The following SHISA9 variants were observed in gnomAD, a reference collection of about 807,000 sequenced individuals.
The protein encoded by SHISA9 is protein shisa-9.
Under a neutral mutation model 38.0 loss-of-function variants are expected in SHISA9, and 13 were observed. The ratio of observed to expected loss-of-function variants is 0.34; its 90% CI spans 0.22 to 0.54. The LOEUF (loss-of-function observed/expected upper bound fraction) is 0.54. Among genes scored for constraint, SHISA9 ranks in the 20% least tolerant of loss-of-function variants. SHISA9 has a pLI of 0.91. For missense variants in SHISA9, 538 were observed against 575.8 expected (o/e 0.93, Z 0.67); for synonymous variants, 275 against 242.0 (o/e 1.14, Z -1.27).
chr16:13,391,390 G>GA, the SHISA9 span, among the ~76,000 whole-genome samples: 1 of 152,052 alleles, frequency 6.6e-6, no homozygotes, highest in Admixed American at 6.6e-5. Flanking sequence ...CTTCACAACT[G>GA]AAAAAAGGCT....
At chr16:12,967,424 G>A (rs1335843472) in intron 2 of SHISA9, among the ~76,000 whole-genome samples, 1 of 152,024 alleles carries the variant, frequency 6.6e-6, no homozygotes, top group Non-Finnish European at 1.5e-5. Context: ...TTGGGGGAGC[G>A]GGGAGGGATA....
chr16:13,499,434 A>T, the SHISA9 span, among the ~76,000 whole-genome samples: 1 of 152,188 alleles, frequency 6.6e-6, no homozygotes, highest in Non-Finnish European at 1.5e-5. Flanking sequence ...GAGAGAAAGC[A>T]TGTAACAAAA....
chr16:13,542,726 TA>T, the SHISA9 span, among the ~76,000 whole-genome samples: 3 of 152,212 alleles, frequency 2.0e-5, no homozygotes, highest in Admixed American at 2.0e-4. Flanking sequence ...TTAACTCGCT[TA>T]AATCAAAATA....
chr16:13,014,273 G>A (rs561897445), intron 2 of SHISA9, among the ~76,000 whole-genome samples: 3 of 152,174 alleles, frequency 2.0e-5, no homozygotes, highest in African/African-American at 4.8e-5. Context: ...AAGCATTTAC[G>A]TGGGATTCTC....
intron 2 of SHISA9, among the ~76,000 whole-genome samples, chr16:12,955,209 G>T (rs979331536): frequency 6.6e-6 from 1 of 152,126 alleles, no homozygotes; most frequent in Non-Finnish European, 1.5e-5. Flanking sequence ...GTCAGGACTG[G>T]CTGGATTCCA....
the SHISA9 span, among the ~76,000 whole-genome samples, chr16:13,386,511 C>T: frequency 6.6e-6 from 1 of 152,116 alleles, no homozygotes; most frequent in Non-Finnish European, 1.5e-5. Context: ...AAACAGGATC[C>T]AATAATAGTA....
chr16:13,221,281 C>A (rs1214648471), intron 4 of SHISA9, among the ~76,000 whole-genome samples: 2 of 152,056 alleles, frequency 1.3e-5, no homozygotes, highest in Non-Finnish European at 2.9e-5. Context: ...ACTAATTCAC[C>A]ATAAAGACAA....
intron 3 of SHISA9, among the ~76,000 whole-genome samples, chr16:13,209,126 T>C (rs539393515): frequency 1.3e-5 from 2 of 152,304 alleles, no homozygotes; most frequent in East Asian, 3.9e-4. Flanking sequence ...TTAGAAAATT[T>C]GATGATATAG....
At chr16:13,404,168 A>T in the SHISA9 span, among the ~76,000 whole-genome samples, 1 of 152,186 alleles carries the variant, frequency 6.6e-6, no homozygotes, top group Non-Finnish European at 1.5e-5. Context: ...TCTTCACTCA[A>T]CAATAACAAC....
chr16:13,550,030 A>AG, the SHISA9 span, among the ~76,000 whole-genome samples: 1 of 151,672 alleles, frequency 6.6e-6, no homozygotes, highest in East Asian at 1.9e-4. Context: ...CTCAAAAAAA[A>AG]AAAAAATAAA....
chr16:13,012,536 C>T (rs1432126232), intron 2 of SHISA9, among the ~76,000 whole-genome samples: 1 of 152,132 alleles, frequency 6.6e-6, no homozygotes, highest in Admixed American at 6.5e-5. Flanking sequence ...CAAGGATGCA[C>T]ACGCTTTTCA....
chr16:12,940,710 C>T (rs372490484), intron 2 of SHISA9, among the ~76,000 whole-genome samples: 188 of 152,288 alleles, frequency 1.2e-3, no homozygotes, highest in Non-Finnish European at 1.8e-3. Context: ...AGTGTCTTTG[C>T]GGCACTGAGC....
intron 2 of SHISA9, among the ~76,000 whole-genome samples, chr16:12,959,161 G>T (rs1259932172): frequency 6.6e-6 from 1 of 152,144 alleles, no homozygotes; most frequent in Non-Finnish European, 1.5e-5. Context: ...GTTCAATGCT[G>T]TATTTTCTGT....
At chr16:13,080,100 G>A (rs1269597041) in intron 2 of SHISA9, among the ~76,000 whole-genome samples, 1 of 152,164 alleles carries the variant, frequency 6.6e-6, no homozygotes, top group Admixed American at 6.5e-5. Context: ...TCAGCCGGGC[G>A]AAGTGGCTCA....
intron 2 of SHISA9, among the ~76,000 whole-genome samples, chr16:12,931,625 CTT>C (rs947783172): frequency 2.0e-5 from 3 of 152,192 alleles, no homozygotes; most frequent in Non-Finnish European, 2.9e-5. Flanking sequence ...ATTTCATTCT[CTT>C]TTTATGGCTC....
chr16:13,531,155 A>C, the SHISA9 span, among the ~76,000 whole-genome samples: 1 of 152,176 alleles, frequency 6.6e-6, no homozygotes, highest in Non-Finnish European at 1.5e-5. Flanking sequence ...CCTCTCATTT[A>C]GTCAGCTGGG....
intron 2 of SHISA9, among the ~76,000 whole-genome samples, chr16:13,039,202 C>A (rs1193062448): frequency 6.6e-6 from 1 of 152,190 alleles, no homozygotes; most frequent in Non-Finnish European, 1.5e-5. Flanking sequence ...AGCCACCGCG[C>A]CTGGCCAAGA....
the SHISA9 span, among the ~76,000 whole-genome samples, chr16:13,469,393 G>GA: frequency 1.8e-5 from 2 of 113,766 alleles, no homozygotes; most frequent in Non-Finnish European, 3.8e-5. Context: ...AAGAAAGAAA[G>GA]AAAGAAAGAA....
chr16:13,148,237 G>A (rs908738478), intron 2 of SHISA9, among the ~76,000 whole-genome samples: 9 of 151,976 alleles, frequency 5.9e-5, no homozygotes, highest in South Asian at 2.1e-4. Flanking sequence ...CCGCACACCC[G>A]AATATACACA....
Sources: allele counts gnomAD v4.1 joint callset (sites outside exome capture counted in the v4.1 genomes callset), GRCh38; gene constraint gnomAD v4.1.1; transcripts MANE v1.5; gene names NCBI Gene and HGNC (gene_info 2026-07-23, HGNC 2026-07-21).